Variants in TARS3 observed in about 807,000 individuals in gnomAD.
TARS3 encodes threonyl-tRNA synthetase 3.
In TARS3, 94 loss-of-function variants were observed where a neutral mutation model predicts 103.5. The ratio of observed to expected loss-of-function variants is 0.91; its 90% CI spans 0.77 to 1.08. The LOEUF (loss-of-function observed/expected upper bound fraction) is 1.08. Among genes scored for constraint, TARS3 ranks in the 50% least tolerant of loss-of-function variants. The probability of loss-of-function intolerance (pLI) is 0.00; values close to 1 mark genes in which losing one functional copy is unlikely to be tolerated. For missense variants in TARS3, 952 were observed against 995.2 expected (o/e 0.96, Z 0.58); for synonymous variants, 416 against 355.4 (o/e 1.17, Z -1.92).
chr15:101,676,267 T>TTTTTG (rs531788618), intron 12 of TARS3, among the ~76,000 whole-genome samples: 15 of 151,686 alleles, frequency 9.9e-5, no homozygotes, highest in Non-Finnish European at 1.5e-4. Context: ...CAATGAAGGG[T>TTTTTG]TTTTGTTTTG....
intron 15 of TARS3, chr15:101,664,413 A>T (rs1406255657): frequency 6.6e-6 from 1 of 152,220 alleles, no homozygotes; most frequent in Non-Finnish European, 1.5e-5. Context: ...TCGGAGTCCT[A>T]CTAACTCCAC....
At chr15:101,702,431 G>C (rs777951647) in intron 8 of TARS3, 46 bp from the exon 9 acceptor site, 57 of 1,524,072 alleles carry the variant, frequency 3.7e-5, no homozygotes, top group Non-Finnish European at 5.1e-5. Flanking sequence ...ACATTCAGTT[G>C]TAAGTAAAAC....
intron 12 of TARS3, among the ~76,000 whole-genome samples, chr15:101,679,633 T>A (rs560213073): frequency 2.6e-5 from 4 of 152,238 alleles, no homozygotes; most frequent in Non-Finnish European, 5.9e-5. Context: ...TTACCGTTCA[T>A]AGATTGTCTT....
At position 101,680,271 on chromosome 15, in the gene TARS3, G is replaced by A. The variant is rs149452575; in HGVS notation, c.1650+3804C>T. ...AAAGGGCCACAGTTTTTTCTGTGGT[G>A]TCTGGTTGAAATAGAGTAGATATTG... On this transcript the variant is annotated intron_variant, in intron 12 of 18. Coordinates refer to ENST00000335968, the MANE Select transcript of TARS3 (RefSeq NM_152334.3). Among the ~76,000 whole-genome samples the A allele has an allele frequency of 2.1e-4, 32 of 152,318 alleles. No individual in the cohort carries two copies. The East Asian group carries it at 4.2e-3, about 20-fold the overall frequency.
At chr15:101,702,106 G>T in intron 9 of TARS3, 133 bp downstream of exon 9, 1 of 937,792 alleles carries the variant, frequency 1.1e-6, no homozygotes, top group Non-Finnish European at 1.7e-6. Flanking sequence ...ACTGAGCAGC[G>T]GACTGTGAGT....
At chr15:101,704,964 T>A (rs1340138532) in intron 7 of TARS3, among the ~76,000 whole-genome samples, 1 of 152,156 alleles carries the variant, frequency 6.6e-6, no homozygotes, top group African/African-American at 2.4e-5. Flanking sequence ...CGAAAGTAAG[T>A]ACCATGAGGG....
chr15:101,680,215 T>A (rs191011268), intron 12 of TARS3, among the ~76,000 whole-genome samples: 1 of 152,232 alleles, frequency 6.6e-6, no homozygotes. Flanking sequence ...AGTTAAAATA[T>A]AAGCTTCTCA....
chr15:101,702,705 G>C (rs1465616210), intron 8 of TARS3, among the ~76,000 whole-genome samples: 10 of 152,218 alleles, frequency 6.6e-5, no homozygotes, highest in African/African-American at 2.2e-4. Context: ...AGGAGGTCGA[G>C]GCTGCAGTGA....
chr15:101,674,259 C>CTTGA (rs1897932356), intron 13 of TARS3, among the ~76,000 whole-genome samples: 1 of 152,142 alleles, frequency 6.6e-6, no homozygotes, highest in Non-Finnish European at 1.5e-5. Flanking sequence ...GAACCATGGC[C>CTTGA]TCAAAGCACA....
chr15:101,713,320 G>A (rs1038285093), intron 4 of TARS3, among the ~76,000 whole-genome samples: 1 of 152,182 alleles, frequency 6.6e-6, no homozygotes, highest in African/African-American at 2.4e-5. Context: ...AGAGAGGTAA[G>A]GAAGGGCCAG....
At chr15:101,722,530 G>A (rs952864625) in intron 2 of TARS3, among the ~76,000 whole-genome samples, 1 of 86,782 alleles carries the variant, frequency 1.2e-5, no homozygotes, top group African/African-American at 4.7e-5. Flanking sequence ...AAAAAGACCG[G>A]GGGCGGTGGC....
chr15:101,705,458 C>T (rs1899509176), intron 7 of TARS3, among the ~76,000 whole-genome samples: 1 of 152,206 alleles, frequency 6.6e-6, no homozygotes, highest in African/African-American at 2.4e-5. Context: ...CCTGTTATAG[C>T]TAACACCCAG....
At chr15:101,664,056 C>T (rs1596284163) in intron 15 of TARS3, 1 of 152,318 alleles carries the variant, frequency 6.6e-6, no homozygotes, top group South Asian at 2.1e-4. Context: ...TCTCTCTCTC[C>T]TCTCATACAT....
intron 12 of TARS3, among the ~76,000 whole-genome samples, chr15:101,676,063 C>G (rs1478241166): frequency 6.6e-6 from 1 of 152,182 alleles, no homozygotes; most frequent in African/African-American, 2.4e-5. Flanking sequence ...AGCGGAAGCT[C>G]AGGAGCTCTG....
chr15:101,675,991 AGG>A (rs904053341), intron 12 of TARS3, among the ~76,000 whole-genome samples: 1 of 152,202 alleles, frequency 6.6e-6, no homozygotes, highest in African/African-American at 2.4e-5. Flanking sequence ...AGCGGCACGG[AGG>A]GGCTGCCCAG....
intron 5 of TARS3, among the ~76,000 whole-genome samples, chr15:101,709,546 C>T (rs1251327083): frequency 1.3e-5 from 2 of 152,228 alleles, no homozygotes; most frequent in Non-Finnish European, 2.9e-5. Flanking sequence ...CCTCCCTCCA[C>T]TCCGGTCGGC....
chr15:101,682,421 A>G (rs1898292712), intron 12 of TARS3, among the ~76,000 whole-genome samples: 1 of 151,808 alleles, frequency 6.6e-6, no homozygotes, highest in Non-Finnish European at 1.5e-5. Context: ...TCTTTTTTTT[A>G]GTTTGTGAAT....
chr15:101,662,382 C>G (rs1897415554), intron 15 of TARS3, among the ~76,000 whole-genome samples: 1 of 152,150 alleles, frequency 6.6e-6, no homozygotes, highest in African/African-American at 2.4e-5. Context: ...ATTATTGCAA[C>G]AAATGTGACA....
Position 101,679,953 on chromosome 15 carries a change from A to G in TARS3, c.1650+4122T>C, listed in dbSNP as rs567368023. Among the ~76,000 whole-genome samples the G allele has an allele frequency of 1.2e-3, 177 of 152,246 alleles. 1 individual carries two copies. Among genetic ancestry groups the G allele is most frequent in the African/African-American group, 4.6e-4 (19 of 41,536 alleles). On this transcript the variant is annotated intron_variant, in intron 12 of 18. Transcript: ENST00000335968. The stretch of plus-strand genomic sequence containing the variant: ...CACAGAAAGCATGGCCTCATGACCA[A>G]TTGGCAGTGAGAAAGTCTTATCTTT...
Sources: gnomAD v4.1 joint callset for allele counts (sites outside exome capture counted in the v4.1 genomes callset) on GRCh38, gnomAD v4.1.1 for gene constraint, MANE v1.5 for transcripts, NCBI Gene and HGNC (gene_info 2026-07-23, HGNC 2026-07-21) for gene names.